The following RBL2 variants were observed in gnomAD, a reference collection of about 807,000 sequenced individuals.
The protein encoded by RBL2 is retinoblastoma-like protein 2.
A neutral mutation model predicts 126.0 loss-of-function variants in RBL2; 56 were observed. That is an observed-to-expected ratio of 0.44 (90% CI 0.36 to 0.56). The LOEUF is 0.56. Among genes scored for constraint, RBL2 ranks in the 20% least tolerant of loss-of-function variants. The pLI is 0.00. For synonymous variants in RBL2, 454 were observed against 478.5 expected, an observed-to-expected ratio of 0.95 and a Z score of 0.67; for missense variants, 1,229 against 1,398.2, an observed-to-expected ratio of 0.88 and a Z score of 1.93.
intron 21 of RBL2, chr16:53,489,394 C>T (rs908874342): frequency 2.0e-5 from 3 of 152,120 alleles, no homozygotes; most frequent in African/African-American, 7.2e-5. Context: ...ATGGATGAAG[C>T]AGCACATGAA....
intron 8 of RBL2, among the ~76,000 whole-genome samples, chr16:53,456,988 C>G (rs1477007961): frequency 6.6e-6 from 1 of 152,110 alleles, no homozygotes; most frequent in Non-Finnish European, 1.5e-5. Context: ...TTCACCAAGG[C>G]TGTGACCAGT....
chr16:53,438,937 A>G (rs2057985994), intron 1 of RBL2, 79 bp from the exon 2 acceptor site: 1 of 1,017,980 alleles, frequency 9.8e-7, no homozygotes. Flanking sequence ...AACACTTTCA[A>G]TTTAAACATA....
At chr16:53,482,812 C>CA (rs11366467) in intron 21 of RBL2, among the ~76,000 whole-genome samples, 6,201 of 94,256 alleles carry the variant, frequency 0.066, 207 homozygotes, top group Non-Finnish European at 0.11. Flanking sequence ...CTCACTGTCT[C>CA]AAAAAAAAAA....
At position 53,479,783 on chromosome 16, in the gene RBL2, T is replaced by C. The variant is rs1960869661; in HGVS notation, c.2776-103T>C. 10 of 696,640 alleles carry C rather than the reference T, an allele frequency of 1.4e-5. 2 individuals are homozygous for C. The Middle Eastern group carries it at 2.4e-3, about 166-fold the overall frequency. 43.2% of individuals were successfully genotyped at this position (696,640 alleles called of 1,614,324 possible). On this transcript the variant is annotated intron_variant, in intron 18 of 21. Coordinates refer to ENST00000262133, the MANE Select transcript of RBL2 (RefSeq NM_005611.4). ...CCTGTTCTGAGGACAACTATTGCTA[T>C]ACAGGTTATTGTGAAAACCAAGTAA... is the stretch of plus-strand genomic sequence containing the variant.
intron 14 of RBL2, among the ~76,000 whole-genome samples, chr16:53,469,019 C>T (rs975275282): frequency 6.6e-6 from 1 of 152,170 alleles, no homozygotes; most frequent in Non-Finnish European, 1.5e-5. Flanking sequence ...CACCTGAGGT[C>T]AGGAGTTCGA....
At chr16:53,462,707 C>A (rs1478625845) in intron 11 of RBL2, 52 bp downstream of exon 11, 2 of 1,212,920 alleles carry the variant, frequency 1.6e-6, no homozygotes, top group Non-Finnish European at 2.3e-6. Flanking sequence ...TAATTTCCTT[C>A]CTGCCCTATT....
intron 21 of RBL2, among the ~76,000 whole-genome samples, chr16:53,483,445 A>G (rs558819453): frequency 6.6e-6 from 1 of 152,264 alleles, no homozygotes; most frequent in African/African-American, 2.4e-5. Flanking sequence ...AGTTGTAGCT[A>G]CTCAGGAGGC....
At chr16:53,450,146 G>A (rs950109420) in intron 4 of RBL2, among the ~76,000 whole-genome samples, 1 of 152,116 alleles carries the variant, frequency 6.6e-6, no homozygotes, top group South Asian at 2.1e-4. Context: ...TGGTTTGGCT[G>A]TATCAATGCA....
chr16:53,473,592 A>G (rs1335446843), intron 17 of RBL2, among the ~76,000 whole-genome samples: 1 of 151,612 alleles, frequency 6.6e-6, no homozygotes, highest in African/African-American at 2.4e-5. Context: ...GAAATCATGT[A>G]ATCTGCTTAT....
intron 9 of RBL2, among the ~76,000 whole-genome samples, chr16:53,461,266 G>C (rs1187373819): frequency 6.6e-6 from 1 of 152,236 alleles, no homozygotes; most frequent in Non-Finnish European, 1.5e-5. Context: ...CCTGAGGCAA[G>C]TGGATCACTT....
intron 8 of RBL2, 130 bp downstream of exon 8, chr16:53,454,972 C>T (rs1361578777): frequency 1.5e-6 from 1 of 668,048 alleles, no homozygotes; most frequent in African/African-American, 1.8e-5. Context: ...CATCATACTT[C>T]TCTTAATTGA....
intron 1 of RBL2, among the ~76,000 whole-genome samples, chr16:53,435,316 T>A (rs1039552617): frequency 1.3e-5 from 2 of 152,136 alleles, no homozygotes; most frequent in African/African-American, 4.8e-5. Context: ...TGTGTTTACG[T>A]CTGTGTAAAC....
At chr16:53,467,257 T>A in intron 14 of RBL2, 88 bp downstream of exon 14, 1 of 1,056,274 alleles carries the variant, frequency 9.5e-7, no homozygotes. Context: ...GTTAATAGGG[T>A]ATACATAGAA....
intron 20 of RBL2, 170 bp from the exon 21 acceptor site, chr16:53,481,501 C>T (rs944478589): frequency 1.8e-5 from 11 of 611,250 alleles, no homozygotes; most frequent in Non-Finnish European, 2.7e-5. Flanking sequence ...AAACTAAGCA[C>T]TTAAGGTTTG....
chr16:53,440,665 C>T lies in RBL2; in HGVS notation c.371+1519C>T, dbSNP rs148374554. On this transcript the variant is annotated intron_variant, in intron 2 of 21. Coordinates refer to ENST00000262133, the MANE Select transcript of RBL2 (RefSeq NM_005611.4). ...GCCTCCCAGGTTCAAACGATTCTCC[C>T]GCTGTGGCCTCCCAAGTAGCTGGGA... is the stretch of plus-strand genomic sequence containing the variant. Among the ~76,000 whole-genome samples, 406 of 152,184 alleles carry T rather than the reference C, an allele frequency of 2.7e-3. 8 individuals are homozygous for T. The East Asian group carries it at 0.06, about 22-fold the overall frequency.
chr16:53,479,036 C>T (rs942907931), intron 17 of RBL2, 118 bp from the exon 18 acceptor site: 1 of 769,156 alleles, frequency 1.3e-6, no homozygotes, highest in African/African-American at 1.7e-5. Flanking sequence ...TTTCCAGAGA[C>T]TTTAAATAGC....
At chr16:53,440,464 CT>C (rs1258966313) in intron 2 of RBL2, among the ~76,000 whole-genome samples, 1 of 152,034 alleles carries the variant, frequency 6.6e-6, no homozygotes, top group Non-Finnish European at 1.5e-5. Context: ...AAGAACATGA[CT>C]TCACAAAGGT....
chr16:53,478,783 G>A (rs569817554), intron 17 of RBL2, among the ~76,000 whole-genome samples: 8 of 152,014 alleles, frequency 5.3e-5, no homozygotes, highest in East Asian at 3.9e-4. Flanking sequence ...CACCATGCCC[G>A]GCTAATTTTT....
intron 21 of RBL2, among the ~76,000 whole-genome samples, chr16:53,486,179 T>C (rs1961167743): frequency 6.7e-6 from 1 of 148,294 alleles, no homozygotes; most frequent in Non-Finnish European, 1.5e-5. Context: ...GGTGTGCCTA[T>C]AGTCCCAGTT....
Sources: gnomAD v4.1 joint callset for allele counts (sites outside exome capture counted in the v4.1 genomes callset) on GRCh38, gnomAD v4.1.1 for gene constraint, MANE v1.5 for transcripts, NCBI Gene and HGNC (gene_info 2026-07-23, HGNC 2026-07-21) for gene names.